PLA2G6: variants seen among roughly 807,000 people sequenced by gnomAD.
The protein encoded by PLA2G6 is phospholipase A2 group VI.
PLA2G6 carries 62 observed loss-of-function variants against 83.8 expected under a neutral mutation model. That is an observed-to-expected ratio of 0.74 (90% CI 0.60 to 0.91). PLA2G6 has a LOEUF of 0.91. Among genes scored for constraint, PLA2G6 ranks in the 40% least tolerant of loss-of-function variants. The pLI is 0.00. For synonymous variants in PLA2G6, 417 were observed against 449.8 expected (o/e 0.93, Z 0.92); for missense variants, 944 against 1,102.0 (o/e 0.86, Z 2.03).
intron 2 of PLA2G6, among the ~76,000 whole-genome samples, chr22:38,151,729 G>T (rs894558942): frequency 2.0e-5 from 3 of 152,190 alleles, no homozygotes; most frequent in African/African-American, 7.2e-5. Flanking sequence ...GCCTGGAAGG[G>T]AATACATAGC....
chr22:38,123,223 ACTC>A lies in PLA2G6; in HGVS notation c.1460_1462del (p.Gly487del), dbSNP rs2087627455. The A allele has an allele frequency of 1.3e-6, 2 of 1,556,142 alleles. No homozygotes were observed. Among genetic ancestry groups the A allele is most frequent in the African/African-American group, 1.4e-5 (1 of 72,856 alleles). ...GAGCTGGATGATGATGAGGCCTTTC[ACTC>A]CTCCTCCATCCAGGCACAGCAGGTG... On this transcript the variant is annotated inframe_deletion, in exon 11 of 17. Coordinates refer to ENST00000332509, the MANE Select transcript of PLA2G6 (RefSeq NM_003560.4). The surrounding 1 kb of genome is among the most constrained non-coding windows in gnomAD (Gnocchi z 4.1).
chr22:38,143,960 T>C lies in PLA2G6; in HGVS notation c.426-672A>G, dbSNP rs11570643. ...GGTTTCACCACGTTGGCCAGGCTGG[T>C]CTCAAACTCCTGACCTCAAGTGATA... On this transcript the variant is annotated intron_variant, in intron 3 of 16. Transcript: ENST00000332509. The C allele has an allele frequency of 1.5e-3, 270 of 176,204 alleles. 1 individual carries two copies. The highest frequency in any genetic ancestry group is 5.9e-3 in the African/African-American group (248 of 42,156). 10.9% of individuals were successfully genotyped at this position (176,204 alleles called of 1,614,324 possible).
chr22:38,129,623 C>T (rs11570693), intron 7 of PLA2G6, 61 bp from the exon 8 acceptor site: 2 of 1,291,938 alleles, frequency 1.5e-6, no homozygotes, highest in Non-Finnish European at 2.3e-6. Flanking sequence ...AACAAAGGGG[C>T]CCCTGGCTGC....
intron 2 of PLA2G6, among the ~76,000 whole-genome samples, chr22:38,153,036 G>C (rs1439849056): frequency 6.6e-6 from 1 of 152,178 alleles, no homozygotes; most frequent in Admixed American, 6.5e-5. Flanking sequence ...ATAAAGGAGG[G>C]TGAAGGAAAT....
chr22:38,120,998 G>T, intron 11 of PLA2G6, 89 bp from the exon 12 acceptor site: 2 of 1,496,384 alleles, frequency 1.3e-6, no homozygotes, highest in Non-Finnish European at 1.8e-6. Flanking sequence ...GAACGCAGGA[G>T]GTGGCAGGAG....
chr22:38,154,390 C>A (rs1000600757), intron 2 of PLA2G6, among the ~76,000 whole-genome samples: 1 of 152,186 alleles, frequency 6.6e-6, no homozygotes, highest in African/African-American at 2.4e-5. Flanking sequence ...TAGCTCCAGG[C>A]GGCCCAGCAC....
At position 38,140,088 on chromosome 22, in the gene PLA2G6, C is replaced by T. The variant is rs2088809624; in HGVS notation, c.691G>A (p.Gly231Arg). 1 of 1,614,010 alleles carries T rather than the reference C, an allele frequency of 6.2e-7. No homozygotes were observed. Among genetic ancestry groups the T allele is most frequent in the Non-Finnish European group, 8.5e-7 (1 of 1,180,020 alleles). ...AGCACGCGGACCATCTCCTGCTTCC[C>T]CAGCTGGCAGGCCAGGTGCAGCGGG... ...LTPLHLACQL[G>R]KQEMVRVLLL... Residue 231 changes from glycine (G) to arginine (R), a missense_variant, in exon 5 of 17, where the codon GGG becomes AGG. Coordinates refer to ENST00000332509, the MANE Select transcript of PLA2G6 (RefSeq NM_003560.4).
At chr22:38,179,684 G>C (rs2090770823) in intron 1 of PLA2G6, among the ~76,000 whole-genome samples, 1 of 152,182 alleles carries the variant, frequency 6.6e-6, no homozygotes, top group Admixed American at 6.5e-5. Flanking sequence ...TTGGGAGGCT[G>C]AGGCAGGAGA....
intron 12 of PLA2G6, 137 bp from the exon 13 acceptor site, chr22:38,116,348 C>G: frequency 1.1e-6 from 1 of 934,916 alleles, no homozygotes; most frequent in Non-Finnish European, 1.7e-6. Context: ...GGCTTCTCCC[C>G]GCACCATCCC....
At chr22:38,136,516 C>T (rs1209233275) in intron 5 of PLA2G6, 1 of 151,690 alleles carries the variant, frequency 6.6e-6, no homozygotes, top group African/African-American at 2.4e-5. Flanking sequence ...CACTTGAACC[C>T]GGGAGGTGGA....
In PLA2G6 at chr22:38,132,220, C is replaced by T; in HGVS notation, c.1077+611G>A. 2 of 407,244 alleles carry T rather than the reference C, an allele frequency of 4.9e-6. No individual in the cohort carries two copies. The highest frequency in any genetic ancestry group is 4.9e-6 in the Non-Finnish European group (1 of 203,056). 25.2% of individuals were successfully genotyped at this position (407,244 alleles called of 1,614,324 possible). A position where few individuals can be genotyped will look rare whatever the true frequency, so the allele number is the denominator to read the frequency against. ...TAGATGTGTAACCAGACAGTAAGGG[C>T]TTTGAGGGCAGGAACTGTGTTCTAT... On this transcript the variant is annotated intron_variant, in intron 7 of 16. Transcript: ENST00000332509. The surrounding 1 kb of genome is among the most constrained non-coding windows in gnomAD (Gnocchi z 5.0).
rs1487597575 is a variant in PLA2G6, at chr22:38,111,701, A to G, written c.*460T>C. On this transcript the variant is annotated 3_prime_UTR_variant, in exon 17 of 17. Coordinates refer to ENST00000332509, the MANE Select transcript of PLA2G6 (RefSeq NM_003560.4). The stretch of plus-strand genomic sequence containing the variant: ...CCAGCTGATGGGGTGGGGGACACCC[A>G]TTTCTTTAGTCCCAGCCCCCAGGGA... The G allele has an allele frequency of 6.8e-5, 16 of 234,848 alleles. No individual in the cohort carries two copies. In the East Asian group the frequency reaches 1.8e-3, roughly 26 times the overall value. 14.5% of individuals were successfully genotyped at this position (234,848 alleles called of 1,614,324 possible). A position where few individuals can be genotyped will look rare whatever the true frequency, so the allele number is the denominator to read the frequency against.
chr22:38,178,734 C>T (rs547727666), intron 1 of PLA2G6, among the ~76,000 whole-genome samples: 19 of 152,160 alleles, frequency 1.2e-4, no homozygotes, highest in African/African-American at 3.6e-4. Context: ...GGTGTGGTGG[C>T]GTGCACCTGT....
chr22:38,116,758 A>G (rs35337783), intron 12 of PLA2G6, among the ~76,000 whole-genome samples: 49,998 of 150,220 alleles, frequency 0.33, 8,704 homozygotes, highest in South Asian at 0.43. Context: ...GGCTGAAGCA[A>G]GAGAATTGCT....
rs971291503 is a variant in PLA2G6, at chr22:38,128,830, T to A, written c.1187-400A>T. Among the ~76,000 whole-genome samples the A allele has an allele frequency of 6.6e-6, 1 of 152,158 alleles. No homozygotes were observed. Among genetic ancestry groups the A allele is most frequent in the Non-Finnish European group, 1.5e-5 (1 of 68,000 alleles). ...GGGGGCACCTACTCCATTTGATGGA[T>A]GGGATTGCTGAAAAGGAGGTCATAG... is the stretch of plus-strand genomic sequence containing the variant. On this transcript the variant is annotated intron_variant, in intron 8 of 16. Coordinates refer to ENST00000332509, the MANE Select transcript of PLA2G6 (RefSeq NM_003560.4). This position sits in a 1 kb window ranked among gnomAD's most constrained non-coding sequence, Gnocchi z 4.4.
intron 1 of PLA2G6, 37 bp from the exon 2 acceptor site, chr22:38,169,508 G>A: frequency 8.4e-7 from 1 of 1,192,706 alleles, no homozygotes; most frequent in Non-Finnish European, 1.2e-6. Flanking sequence ...GCCAGGCACA[G>A]TCTCCCATGC....
At position 38,125,338 on chromosome 22, in the gene PLA2G6, G is replaced by A. The variant is rs5756919; in HGVS notation, c.1427+1033C>T. 8.3e-4 allele frequency among the ~76,000 whole-genome samples: 127 copies of A among 152,288 alleles called. 1 individual carries two copies. The highest frequency in any genetic ancestry group is 1.2e-3 in the South Asian group (6 of 4,834). Reference sequence around the variant, plus strand: ...CGTGCATGTGTGCGTGTGTGTGTGCGTGTGCCCGCGTGCAAGAGCATGCAG... The same window carrying A: ...CGTGCATGTGTGCGTGTGTGTGTGCATGTGCCCGCGTGCAAGAGCATGCAG... On this transcript the variant is annotated intron_variant, in intron 10 of 16. Coordinates refer to ENST00000332509, the MANE Select transcript of PLA2G6 (RefSeq NM_003560.4).
At chr22:38,148,339 G>A (rs576766006) in intron 2 of PLA2G6, 14 of 589,454 alleles carry the variant, frequency 2.4e-5, no homozygotes, top group East Asian at 1.2e-4. Context: ...TGACGGGAAC[G>A]ATGATTCTCT....
At position 38,128,376 on chromosome 22, in the gene PLA2G6, C is replaced by G; in HGVS notation, c.1241G>C (p.Cys414Ser). 6.2e-7 allele frequency: 1 copy of G among 1,614,008 alleles called. No individual in the cohort carries two copies. Among genetic ancestry groups the G allele is most frequent in the East Asian group, 2.2e-5 (1 of 44,882 alleles). ...GGGGACCCCGTGGATGGGTGGGAAG[C>G]AGTATTCGGCCCCCACGGTTCTCAG... ...TLLRTVGAEY[C>S]FPPIHGVPAE... is the part of the protein sequence containing the mutation. The change falls in exon 9 of 17, where the codon TGC (cysteine) becomes TCC (serine). Residue 414 changes from cysteine to serine, a missense_variant. By Grantham distance (112) the Cys-to-Ser change is moderately radical. Transcript: ENST00000332509. This position sits in a 1 kb window ranked among gnomAD's most constrained non-coding sequence, Gnocchi z 4.4.
Sources: gnomAD v4.1 joint callset for allele counts (sites outside exome capture counted in the v4.1 genomes callset) on GRCh38, gnomAD v4.1.1 for gene constraint, Gnocchi (gnomAD v3.1) non-coding constraint, MANE v1.5 for transcripts, NCBI Gene and HGNC (gene_info 2026-07-23, HGNC 2026-07-21) for gene names.